The following PWWP3A variants were observed in gnomAD, a reference collection of about 807,000 sequenced individuals.
PWWP3A encodes PWWP domain-containing DNA repair factor 3A.
Under a neutral mutation model 79.0 loss-of-function variants are expected in PWWP3A, and 53 were observed. That is an observed-to-expected ratio of 0.67 (90% confidence interval 0.54 to 0.84). PWWP3A has a LOEUF of 0.84. Among genes scored for constraint, PWWP3A ranks in the 40% least tolerant of loss-of-function variants. The pLI is 0.00. For missense variants in PWWP3A, 973 were observed against 948.0 expected (o/e 1.03, Z -0.35); for synonymous variants, 443 against 394.4 (o/e 1.12, Z -1.46).
Position 1,360,281 on chromosome 19 carries a change from A to T in PWWP3A, c.360A>T (p.Arg120=). The T allele has an allele frequency of 1.2e-6, 2 of 1,614,054 alleles. No homozygotes were observed. Among genetic ancestry groups the T allele is most frequent in the Non-Finnish European group, 1.7e-6 (2 of 1,179,970 alleles). Residue 120 remains arginine, a synonymous_variant, in exon 5 of 14, where the codon CGA becomes CGT. Coordinates refer to ENST00000591337, the MANE Select transcript of PWWP3A (RefSeq NM_001369789.1). The surrounding 1 kb of genome is among the most constrained non-coding windows in gnomAD (Gnocchi z 4.4). ...CAGGTAGAGCTGACCGGTCTCTGCG[A>T]GGGAAGCCCATGGAGCATGTCTCCT... is the stretch of plus-strand genomic sequence containing the variant. ...AGTGRADRSL[R]GKPMEHVSSP... is the part of the protein sequence containing the mutation.
chr19:1,376,057 C>T (rs888967498), intron 13 of PWWP3A, among the ~76,000 whole-genome samples: 26 of 150,968 alleles, frequency 1.7e-4, no homozygotes, highest in African/African-American at 6.3e-4. Flanking sequence ...GATCCACCCA[C>T]CTCGGCCTCC....
rs1835872299 is a variant in PWWP3A, at chr19:1,378,241, T to C, written c.*1665T>C. On this transcript the variant is annotated 3_prime_UTR_variant, in exon 14 of 14. Coordinates refer to ENST00000591337, the MANE Select transcript of PWWP3A (RefSeq NM_001369789.1). Reference sequence around the variant, plus strand: ...AGCGTTGCATGTACGGGCCTCGTACTGCCTCATGGAAAATCCTCCGGAGCC... The same window carrying C: ...AGCGTTGCATGTACGGGCCTCGTACCGCCTCATGGAAAATCCTCCGGAGCC... 6.6e-6 allele frequency: 1 copy of C among 152,256 alleles called. No homozygotes were observed. Among genetic ancestry groups the C allele is most frequent in the African/African-American group, 2.4e-5 (1 of 41,466 alleles). 9.4% of individuals were successfully genotyped at this position (152,256 alleles called of 1,614,324 possible).
intron 6 of PWWP3A, among the ~76,000 whole-genome samples, chr19:1,362,772 A>G (rs1317347998): frequency 6.6e-6 from 1 of 152,226 alleles, no homozygotes; most frequent in Non-Finnish European, 1.5e-5. Context: ...CAGGGCCTTC[A>G]GCCCAAGAGT....
chr19:1,367,037 A>G (rs1334537388), intron 8 of PWWP3A, 123 bp from the exon 9 acceptor site: 1 of 713,190 alleles, frequency 1.4e-6, no homozygotes, highest in African/African-American at 1.8e-5. Flanking sequence ...CACCTTCCAT[A>G]AATAAGCTGG....
intron 8 of PWWP3A, among the ~76,000 whole-genome samples, chr19:1,366,856 C>T (rs1378363746): frequency 1.3e-5 from 2 of 152,230 alleles, no homozygotes; most frequent in African/African-American, 4.8e-5. Context: ...AAGTCGAACG[C>T]GCAGAACCGG....
chr19:1,375,345 A>G (rs2144773423), intron 13 of PWWP3A, among the ~76,000 whole-genome samples: 1 of 147,368 alleles, frequency 6.8e-6, no homozygotes, highest in Admixed American at 7.0e-5. Context: ...TCATCTCCGA[A>G]CTTCATCTTT....
At chr19:1,363,632 G>A (rs1163918444) in intron 6 of PWWP3A, among the ~76,000 whole-genome samples, 1 of 152,192 alleles carries the variant, frequency 6.6e-6, no homozygotes, top group African/African-American at 2.4e-5. Flanking sequence ...GTTTGGTTTT[G>A]TTTTCTACCT....
intron 6 of PWWP3A, 118 bp downstream of exon 6, chr19:1,362,469 C>A: frequency 1.4e-6 from 1 of 733,810 alleles, no homozygotes; most frequent in South Asian, 1.8e-5. Flanking sequence ...GTTCATTTCT[C>A]TCCCACTGAA....
At chr19:1,363,587 TCTC>T (rs1357736942) in intron 6 of PWWP3A, among the ~76,000 whole-genome samples, 2 of 152,216 alleles carry the variant, frequency 1.3e-5, no homozygotes, top group African/African-American at 4.8e-5. Flanking sequence ...CTGCCTGGCT[TCTC>T]CTGCCTGCGG....
chr19:1,360,902 C>CGGGCCG lies in PWWP3A; in HGVS notation c.987_992dup (p.Gly332_Pro333dup), dbSNP rs1568933432. On this transcript the variant is annotated inframe_insertion, in exon 5 of 14. Transcript: ENST00000591337. This position sits in a 1 kb window ranked among gnomAD's most constrained non-coding sequence, Gnocchi z 4.4. ...TGGCAGCAGGGGCCGCACCATCCCC[C>CGGGCCG]GGGCCGGGGCCAGGGCCCAGAGAGT... 12 of 1,540,628 alleles carry CGGGCCG rather than the reference C, an allele frequency of 7.8e-6. No individual in the cohort carries two copies. Among genetic ancestry groups the CGGGCCG allele is most frequent in the Non-Finnish European group, 1.1e-5 (12 of 1,142,634 alleles).
intron 13 of PWWP3A, among the ~76,000 whole-genome samples, chr19:1,375,273 C>T (rs1370328652): frequency 6.7e-6 from 1 of 150,024 alleles, no homozygotes; most frequent in African/African-American, 2.5e-5. Flanking sequence ...TCCTAACCTT[C>T]TTAAGTGTAT....
At chr19:1,356,505 T>A in intron 2 of PWWP3A, 56 bp downstream of exon 2, 1 of 1,553,138 alleles carries the variant, frequency 6.4e-7, no homozygotes, top group Non-Finnish European at 8.9e-7. Context: ...GGGTGACAAG[T>A]AAAATCTTGA....
At chr19:1,371,935 G>A (rs907377743) in intron 12 of PWWP3A, among the ~76,000 whole-genome samples, 5 of 151,102 alleles carry the variant, frequency 3.3e-5, no homozygotes, top group Non-Finnish European at 1.5e-5. Context: ...CTTCCAAGTA[G>A]CTGGGACTAC....
At chr19:1,366,420 G>T (rs1294623675) in intron 8 of PWWP3A, 39 bp downstream of exon 8, 1 of 1,576,424 alleles carries the variant, frequency 6.3e-7, no homozygotes. Flanking sequence ...TGGGCCTGAG[G>T]GGCCAGGCCG....
chr19:1,369,409 G>C lies in PWWP3A; in HGVS notation c.1498+69G>C. On this transcript the variant is annotated intron_variant, in intron 10 of 13. Coordinates refer to ENST00000591337, the MANE Select transcript of PWWP3A (RefSeq NM_001369789.1). The surrounding 1 kb of genome is among the most constrained non-coding windows in gnomAD (Gnocchi z 4.0). ...CCAGCCTCTGAAGACCCCTTGGACG[G>C]GCTGGGCCGGAGCTGCCTGGAGGCG... The C allele has an allele frequency of 3.8e-6, 6 of 1,572,836 alleles. No homozygotes were observed. Among genetic ancestry groups the C allele is most frequent in the Non-Finnish European group, 5.2e-6 (6 of 1,144,904 alleles).
chr19:1,357,952 C>T (rs1034358386), intron 3 of PWWP3A: 5 of 168,324 alleles, frequency 3.0e-5, no homozygotes, highest in African/African-American at 9.7e-5. Context: ...GTCCCTAGCT[C>T]ACACTTTCCC....
chr19:1,358,641 A>G, intron 4 of PWWP3A, 177 bp downstream of exon 4: 2 of 1,536,550 alleles, frequency 1.3e-6, no homozygotes, highest in Non-Finnish European at 1.7e-6. Context: ...CGCTTTCTTA[A>G]ACCTTTCCAG....
chr19:1,364,054 T>C, intron 6 of PWWP3A: 1 of 453,618 alleles, frequency 2.2e-6, no homozygotes, highest in South Asian at 1.6e-5. Flanking sequence ...TTTTTGACTG[T>C]AGTTTCCCAG....
chr19:1,370,835 G>T lies in PWWP3A; in HGVS notation c.1743G>T (p.Lys581Asn), dbSNP rs931354680. The T allele has an allele frequency of 5.7e-6, 9 of 1,572,156 alleles. No homozygotes were observed. The highest frequency in any genetic ancestry group is 4.3e-6 in the Non-Finnish European group (5 of 1,158,856). ...ANQKLVEYIVKAKGAESHLRA... is the reference protein window; with the variant it reads ...ANQKLVEYIVNAKGAESHLRA... Reference sequence around the variant, plus strand: ...AGAAGCTGGTGGAGTACATTGTGAAGGCCAAGGGCGCGGAGAGCCACCTGC... The same window carrying T: ...AGAAGCTGGTGGAGTACATTGTGAATGCCAAGGGCGCGGAGAGCCACCTGC... Residue 581 changes from lysine (K) to asparagine (N), a missense_variant, in exon 12 of 14, where the codon AAG (lysine) becomes AAT (asparagine). Transcript: ENST00000591337.
Sources: allele counts gnomAD v4.1 joint callset (sites outside exome capture counted in the v4.1 genomes callset), GRCh38; gene constraint gnomAD v4.1.1; non-coding constraint Gnocchi (gnomAD v3.1); transcripts MANE v1.5; gene names NCBI Gene and HGNC (gene_info 2026-07-23, HGNC 2026-07-21).